The following ICA1L variants were observed in gnomAD, a reference collection of about 807,000 sequenced individuals.
The protein encoded by ICA1L is islet cell autoantigen 1-like protein.
A neutral mutation model predicts 61.3 loss-of-function variants in ICA1L; 50 were observed. That is an observed-to-expected ratio of 0.82 (90% confidence interval 0.65 to 1.03). ICA1L has a LOEUF of 1.03. Ranked by LOEUF, ICA1L falls within the 50% of genes least tolerant of loss-of-function variation. ICA1L has a pLI of 0.00. For synonymous variants in ICA1L, 161 were observed against 191.3 expected (o/e 0.84, Z 1.31); for missense variants, 508 against 556.7 (o/e 0.91, Z 0.88).
At chr2:202,786,836 A>AT (rs1230082621) in intron 11 of ICA1L, 2 of 419,046 alleles carry the variant, frequency 4.8e-6, no homozygotes, top group Non-Finnish European at 9.4e-6. Flanking sequence ...GTTGTATAAA[A>AT]TGACAGTACT....
chr2:202,837,044 GT>G (rs1452208966), intron 1 of ICA1L, among the ~76,000 whole-genome samples: 1 of 151,950 alleles, frequency 6.6e-6, no homozygotes, highest in African/African-American at 2.4e-5. Context: ...GTTTCGCCAT[GT>G]TGGCCAGGCT....
rs1384279145 is a variant in ICA1L at position 202,776,665 on chromosome 2, A to G, written c.*2868T>C. 1 of 152,250 alleles carries G rather than the reference A, an allele frequency of 6.6e-6. No individual in the cohort carries two copies. The highest frequency in any genetic ancestry group is 1.5e-5 in the Non-Finnish European group (1 of 68,046). The allele number at this position is 152,250 out of a possible 1,614,324, so 9.4% of individuals were successfully genotyped here. Reference sequence around the variant, plus strand: ...AATGTGGTTACCTTCATCTTAATATAGTTACTGATATGCTCTTCAAAAACA... The same window carrying G: ...AATGTGGTTACCTTCATCTTAATATGGTTACTGATATGCTCTTCAAAAACA... On this transcript the variant is annotated 3_prime_UTR_variant, in exon 13 of 13. Transcript: ENST00000358299.
intron 1 of ICA1L, among the ~76,000 whole-genome samples, chr2:202,851,977 G>A (rs974336226): frequency 6.6e-6 from 1 of 152,154 alleles, no homozygotes; most frequent in Admixed American, 6.5e-5. Flanking sequence ...TCTCATGGTA[G>A]TTTCTTTTGC....
At chr2:202,855,089 T>G (rs778070200) in intron 1 of ICA1L, among the ~76,000 whole-genome samples, 1 of 152,290 alleles carries the variant, frequency 6.6e-6, no homozygotes. Context: ...AAAGAAGTTC[T>G]TTGAAACCAA....
chr2:202,826,719 C>G (rs1347278353), intron 2 of ICA1L, among the ~76,000 whole-genome samples: 1 of 151,972 alleles, frequency 6.6e-6, no homozygotes, highest in African/African-American at 2.4e-5. Context: ...ATCCACCTGC[C>G]TCAGCCTCCC....
chr2:202,843,503 C>G (rs1361742710), intron 1 of ICA1L, among the ~76,000 whole-genome samples: 3 of 152,166 alleles, frequency 2.0e-5, no homozygotes, highest in African/African-American at 4.8e-5. Context: ...ATCAGAGAAG[C>G]TATGGCTGAA....
chr2:202,855,631 C>T (rs1694746508), intron 1 of ICA1L, among the ~76,000 whole-genome samples: 1 of 152,044 alleles, frequency 6.6e-6, no homozygotes, highest in Non-Finnish European at 1.5e-5. Flanking sequence ...AGCCACTGTG[C>T]CTGGCCTCCA....
intron 8 of ICA1L, among the ~76,000 whole-genome samples, chr2:202,812,949 A>G (rs2105844543): frequency 6.6e-6 from 1 of 152,304 alleles, no homozygotes; most frequent in East Asian, 1.9e-4. Flanking sequence ...TATGGTTCAT[A>G]TAACATATGA....
chr2:202,847,096 T>C (rs529289194), intron 1 of ICA1L, among the ~76,000 whole-genome samples: 6 of 152,298 alleles, frequency 3.9e-5, no homozygotes, highest in East Asian at 1.9e-4. Flanking sequence ...GAAAGGCAGA[T>C]TGATGGTACA....
chr2:202,777,011 A>C lies in ICA1L; in HGVS notation c.*2522T>G, dbSNP rs1435588513. 1.3e-5 allele frequency: 2 copies of C among 151,840 alleles called. No individual in the cohort carries two copies. The highest frequency in any genetic ancestry group is 4.9e-5 in the African/African-American group (2 of 41,226). The allele number at this position is 151,840 out of a possible 1,614,324, so 9.4% of individuals were successfully genotyped here. On this transcript the variant is annotated 3_prime_UTR_variant, in exon 13 of 13. Coordinates refer to ENST00000358299, the MANE Select transcript of ICA1L (RefSeq NM_001288622.3). ...ATTAGCAAGGTGACCACTACAAAGA[A>C]AAATGGTACAAACTCTCAAGACATA... is the stretch of plus-strand genomic sequence containing the variant.
At chr2:202,807,865 A>T (rs552932881) in intron 9 of ICA1L, among the ~76,000 whole-genome samples, 1 of 152,194 alleles carries the variant, frequency 6.6e-6, no homozygotes, top group Admixed American at 6.5e-5. Flanking sequence ...AGACATACCC[A>T]GGGCCAGAAG....
intron 1 of ICA1L, among the ~76,000 whole-genome samples, chr2:202,846,815 TAATA>T (rs1381913212): frequency 1.3e-5 from 2 of 152,230 alleles, no homozygotes; most frequent in Non-Finnish European, 2.9e-5. Context: ...GAAATGTGAC[TAATA>T]ATCAGTAAGT....
chr2:202,777,044 C>CTTTTT lies in ICA1L; in HGVS notation c.*2484_*2488dup, dbSNP rs562230381. 1.9e-4 allele frequency: 13 copies of CTTTTT among 68,586 alleles called. No homozygotes were observed. The highest frequency in any genetic ancestry group is 4.3e-4 in the Admixed American group (2 of 4,676). 4.2% of individuals were successfully genotyped at this position (68,586 alleles called of 1,614,324 possible). On this transcript the variant is annotated 3_prime_UTR_variant, in exon 13 of 13. Coordinates refer to ENST00000358299, the MANE Select transcript of ICA1L (RefSeq NM_001288622.3). ...ACAAACTCTCAAGACATAAAGTTAG[C>CTTTTT]TTTTTTTTTTTTTTTTTTTTTTTTT... is the stretch of plus-strand genomic sequence containing the variant.
intron 1 of ICA1L, among the ~76,000 whole-genome samples, chr2:202,859,444 T>C (rs1256596247): frequency 6.6e-6 from 1 of 152,174 alleles, no homozygotes; most frequent in Non-Finnish European, 1.5e-5. Context: ...TGACAGTCAG[T>C]TTCATATGCA....
chr2:202,785,328 C>G (rs926459600), intron 12 of ICA1L, among the ~76,000 whole-genome samples: 2 of 152,034 alleles, frequency 1.3e-5, no homozygotes, highest in African/African-American at 4.8e-5. Flanking sequence ...CATCTTGTAT[C>G]CCTAATTTTA....
chr2:202,774,274 C>T lies in ICA1L; in HGVS notation c.*5259G>A, dbSNP rs1474324907. 9 of 1,543,060 alleles carry T rather than the reference C, an allele frequency of 5.8e-6. No homozygotes were observed. Among genetic ancestry groups the T allele is most frequent in the Non-Finnish European group, 7.9e-6 (9 of 1,145,034 alleles). On this transcript the variant is annotated 3_prime_UTR_variant, in exon 13 of 13. Coordinates refer to ENST00000358299, the MANE Select transcript of ICA1L (RefSeq NM_001288622.3). ...TGTCGGCCAAAGGCCGTGACCCCGACGCGTGCAGGCACCTACGGGCGACCG... is the reference window on the plus strand; with the variant it reads ...TGTCGGCCAAAGGCCGTGACCCCGATGCGTGCAGGCACCTACGGGCGACCG...
chr2:202,815,836 A>C (rs988981418), intron 7 of ICA1L, 75 bp downstream of exon 7: 1 of 912,436 alleles, frequency 1.1e-6, no homozygotes, highest in Middle Eastern at 2.3e-4. Flanking sequence ...TTGGTTAAAA[A>C]AAAAAAAAGT....
At chr2:202,785,787 T>C (rs1692561314) in intron 12 of ICA1L, 131 bp downstream of exon 12, 1 of 542,404 alleles carries the variant, frequency 1.8e-6, no homozygotes, top group Non-Finnish European at 3.2e-6. Context: ...GCTTTCATTT[T>C]AATAATAATC....
At chr2:202,867,487 T>C (rs561787216) in intron 1 of ICA1L, among the ~76,000 whole-genome samples, 1 of 152,318 alleles carries the variant, frequency 6.6e-6, no homozygotes, top group East Asian at 1.9e-4. Flanking sequence ...TATCTAAACA[T>C]GTCTAACCAC....
Sources: allele counts gnomAD v4.1 joint callset (sites outside exome capture counted in the v4.1 genomes callset), GRCh38; gene constraint gnomAD v4.1.1; transcripts MANE v1.5; gene names NCBI Gene and HGNC (gene_info 2026-07-23, HGNC 2026-07-21).